The following ARB2A variants were observed in gnomAD, a reference collection of about 807,000 sequenced individuals.
The protein encoded by ARB2A is cotranscriptional regulator ARB2A.
chr5:93,880,113 C>G, the ARB2A span, among the ~76,000 whole-genome samples: 1 of 151,604 alleles, frequency 6.6e-6, no homozygotes, highest in Non-Finnish European at 1.5e-5. Context: ...ATATAATAAG[C>G]GTTCTTGCTT....
the ARB2A span, among the ~76,000 whole-genome samples, chr5:94,107,194 A>G: frequency 6.6e-6 from 1 of 152,186 alleles, no homozygotes; most frequent in African/African-American, 2.4e-5. Flanking sequence ...TTTTCTCTGA[A>G]GCAAAAATTA....
At chr5:93,958,891 C>T in the ARB2A span, 1 of 1,608,624 alleles carries the variant, frequency 6.2e-7, no homozygotes, top group Non-Finnish European at 8.5e-7. Flanking sequence ...GAATTAAAAC[C>T]ATCAGTTTCT....
chr5:93,727,022 A>T, the ARB2A span, among the ~76,000 whole-genome samples: 1 of 152,024 alleles, frequency 6.6e-6, no homozygotes, highest in Non-Finnish European at 1.5e-5. Context: ...AAGGAGGGGT[A>T]GTGGGAGAGA....
At chr5:93,785,934 T>C in the ARB2A span, among the ~76,000 whole-genome samples, 6 of 152,188 alleles carry the variant, frequency 3.9e-5, no homozygotes, top group Admixed American at 1.3e-4. Flanking sequence ...GGCACTAGCA[T>C]ATAAAAGTTT....
At chr5:93,792,682 CA>C in the ARB2A span, among the ~76,000 whole-genome samples, 1 of 121,710 alleles carries the variant, frequency 8.2e-6, no homozygotes, top group Non-Finnish European at 1.6e-5. Flanking sequence ...AGGGGAACAT[CA>C]CACTCTGGGG....
At chr5:93,772,468 A>T in the ARB2A span, among the ~76,000 whole-genome samples, 3 of 152,132 alleles carry the variant, frequency 2.0e-5, no homozygotes, top group Admixed American at 6.5e-5. Flanking sequence ...ATAATAAAAT[A>T]AAAAAATTTA....
chr5:93,802,381 T>C, the ARB2A span, among the ~76,000 whole-genome samples: 3 of 151,934 alleles, frequency 2.0e-5, no homozygotes, highest in East Asian at 5.8e-4. Context: ...ATAAAAATGA[T>C]AAACAGGAAA....
At chr5:93,876,911 T>C in the ARB2A span, among the ~76,000 whole-genome samples, 1 of 152,052 alleles carries the variant, frequency 6.6e-6, no homozygotes. Context: ...AAAATTCACA[T>C]GAATGCTGAA....
the ARB2A span, among the ~76,000 whole-genome samples, chr5:93,749,120 C>G: frequency 4.6e-5 from 7 of 151,370 alleles, no homozygotes; most frequent in African/African-American, 1.7e-4. Context: ...TAAACACTTT[C>G]GATTTCATTT....
chr5:93,836,783 G>T, the ARB2A span, among the ~76,000 whole-genome samples: 1 of 152,032 alleles, frequency 6.6e-6, no homozygotes, highest in Non-Finnish European at 1.5e-5. Flanking sequence ...ACATTATTCA[G>T]TCCCAAAATA....
At chr5:94,070,886 C>A in the ARB2A span, among the ~76,000 whole-genome samples, 2 of 152,098 alleles carry the variant, frequency 1.3e-5, no homozygotes, top group African/African-American at 4.8e-5. Context: ...ACAAACCTGT[C>A]AATATTAATT....
chr5:93,863,663 T>C, the ARB2A span: 55 of 152,156 alleles, frequency 3.6e-4, no homozygotes, highest in African/African-American at 1.3e-3. Flanking sequence ...AAATATGGCA[T>C]GTTTTATTAC....
the ARB2A span, among the ~76,000 whole-genome samples, chr5:93,976,870 T>G: frequency 6.6e-6 from 1 of 152,086 alleles, no homozygotes; most frequent in African/African-American, 2.4e-5. Context: ...AAGATTCCAC[T>G]ATATGACTCC....
the ARB2A span, among the ~76,000 whole-genome samples, chr5:93,674,935 CT>C: frequency 6.6e-6 from 1 of 152,166 alleles, no homozygotes; most frequent in African/African-American, 2.4e-5. Context: ...CCCCTATGCA[CT>C]GTTTACAATT....
the ARB2A span, among the ~76,000 whole-genome samples, chr5:94,078,633 C>T: frequency 1.3e-5 from 2 of 152,058 alleles, no homozygotes; most frequent in Admixed American, 6.6e-5. Context: ...TGCAAAATTG[C>T]GTTTGGATCA....
the ARB2A span, among the ~76,000 whole-genome samples, chr5:94,021,506 G>A: frequency 1.4e-4 from 22 of 152,320 alleles, no homozygotes; most frequent in Admixed American, 1.2e-3. Context: ...TCAGTTCACT[G>A]AGCTCAACTG....
chr5:93,965,115 T>A, the ARB2A span, among the ~76,000 whole-genome samples: 1 of 151,994 alleles, frequency 6.6e-6, no homozygotes, highest in Non-Finnish European at 1.5e-5. Flanking sequence ...ATAACTGAAG[T>A]TTAGAACCTT....
chr5:93,681,770 A>C, the ARB2A span, among the ~76,000 whole-genome samples: 7 of 152,198 alleles, frequency 4.6e-5, no homozygotes, highest in African/African-American at 1.7e-4. Context: ...TAATAGTGTC[A>C]TTTTAAATGA....
At chr5:94,034,410 G>A in the ARB2A span, among the ~76,000 whole-genome samples, 12 of 152,122 alleles carry the variant, frequency 7.9e-5, no homozygotes, top group South Asian at 2.1e-4. Flanking sequence ...TCATCAGACT[G>A]TATTCTTTGA....
Sources: allele counts gnomAD v4.1 joint callset (sites outside exome capture counted in the v4.1 genomes callset), GRCh38; gene constraint gnomAD v4.1.1; transcripts MANE v1.5; gene names NCBI Gene and HGNC (gene_info 2026-07-23, HGNC 2026-07-21).